The following SLC16A12 variants were observed in gnomAD, a reference collection of about 807,000 sequenced individuals.
SLC16A12 encodes the protein monocarboxylate transporter 12.
Under a neutral mutation model 42.4 loss-of-function variants are expected in SLC16A12, and 17 were observed. That is an observed-to-expected ratio of 0.40 (90% CI 0.27 to 0.60). SLC16A12 has a LOEUF of 0.60. Ranked by LOEUF, SLC16A12 falls within the 20% of genes least tolerant of loss-of-function variation. The pLI is 0.42. For synonymous variants in SLC16A12, 224 were observed against 229.4 expected (o/e 0.98, Z 0.21); for missense variants, 544 against 623.0 (o/e 0.87, Z 1.35).
intron 2 of SLC16A12, among the ~76,000 whole-genome samples, chr10:89,512,534 A>T (rs886147169): frequency 2.2e-4 from 34 of 152,322 alleles, no homozygotes; most frequent in South Asian, 2.1e-4. Context: ...CCAATGGTTA[A>T]TGATTATTGC....
At chr10:89,548,312 C>G (rs1345305076) in intron 2 of SLC16A12, among the ~76,000 whole-genome samples, 2 of 152,128 alleles carry the variant, frequency 1.3e-5, no homozygotes, top group Non-Finnish European at 2.9e-5. Context: ...AGCATGTGAA[C>G]TGTTCAATAT....
rs1239736551 is a variant in SLC16A12, at chr10:89,492,936, CTCAT to C, written c.-46-30316_-46-30313del. The stretch of plus-strand genomic sequence containing the variant: ...GAGGCCTGGCCAATCAGAGGCATGA[CTCAT>C]TCAGAGACTTATGAACCAGGCTAGA... On this transcript the variant is annotated intron_variant, in intron 2 of 7. Coordinates refer to ENST00000371790, the MANE Select transcript of SLC16A12 (RefSeq NM_213606.4). 2.0e-5 allele frequency among the ~76,000 whole-genome samples: 3 copies of C among 152,038 alleles called. No homozygotes were observed. The East Asian group carries it at 5.8e-4, about 29-fold the overall frequency.
At chr10:89,554,033 G>A (rs7476274) in intron 2 of SLC16A12, among the ~76,000 whole-genome samples, 70 of 67,586 alleles carry the variant, frequency 1.0e-3, no homozygotes, top group African/African-American at 3.6e-3. Context: ...AGAGAGAAAG[G>A]AAGAAAGAAA....
rs187850571 is a variant in SLC16A12 at position 89,512,255 on chromosome 10, T to C, written c.-47+22246A>G. On this transcript the variant is annotated intron_variant, in intron 2 of 7. Transcript: ENST00000371790. The stretch of plus-strand genomic sequence containing the variant: ...GGTGATTAATACACAACAATGCGAA[T>C]GGTGAACATACTTCTGACATAGTGA... Among the ~76,000 whole-genome samples, 3 of 152,314 alleles carry C rather than the reference T, an allele frequency of 2.0e-5. No individual in the cohort carries two copies. The East Asian group carries it at 5.8e-4, about 29-fold the overall frequency.
At chr10:89,507,759 C>T (rs191729621) in intron 2 of SLC16A12, among the ~76,000 whole-genome samples, 25 of 131,940 alleles carry the variant, frequency 1.9e-4, no homozygotes, top group African/African-American at 7.8e-4. Flanking sequence ...GGGCTAAATG[C>T]CCCCAATTAA....
At chr10:89,447,923 A>C (rs1051773289) in intron 3 of SLC16A12, among the ~76,000 whole-genome samples, 2 of 152,212 alleles carry the variant, frequency 1.3e-5, no homozygotes, top group African/African-American at 2.4e-5. Context: ...AAAAATGACA[A>C]AGGGGAAATC....
intron 2 of SLC16A12, among the ~76,000 whole-genome samples, chr10:89,547,684 A>C (rs1843749229): frequency 6.6e-6 from 1 of 152,162 alleles, no homozygotes. Flanking sequence ...GGAAGTCAAC[A>C]CTTGCTAGAA....
At chr10:89,523,825 A>T (rs1460652145) in intron 2 of SLC16A12, among the ~76,000 whole-genome samples, 1 of 152,248 alleles carries the variant, frequency 6.6e-6, no homozygotes, top group Non-Finnish European at 1.5e-5. Flanking sequence ...GCTATAAAGA[A>T]TACATAGTCC....
intron 4 of SLC16A12, among the ~76,000 whole-genome samples, chr10:89,442,450 C>T (rs1034753093): frequency 3.9e-5 from 6 of 152,092 alleles, no homozygotes; most frequent in Non-Finnish European, 8.8e-5. Flanking sequence ...GTCATTTCCT[C>T]CTATTTGGGG....
At chr10:89,541,323 T>C (rs892774135) in intron 2 of SLC16A12, among the ~76,000 whole-genome samples, 3 of 152,142 alleles carry the variant, frequency 2.0e-5, no homozygotes, top group African/African-American at 7.2e-5. Context: ...AGGATGGGTA[T>C]GGTGGCTCAT....
chr10:89,516,831 A>C lies in SLC16A12; in HGVS notation c.-47+17670T>G, dbSNP rs143865625. Reference sequence around the variant, plus strand: ...CTGATATTTCCAGTAAGGGCCAGGAATCCACTAAATCCATAGTAAGCAATT... The same window carrying C: ...CTGATATTTCCAGTAAGGGCCAGGACTCCACTAAATCCATAGTAAGCAATT... On this transcript the variant is annotated intron_variant, in intron 2 of 7. Coordinates refer to ENST00000371790, the MANE Select transcript of SLC16A12 (RefSeq NM_213606.4). Among the ~76,000 whole-genome samples, 117 of 152,344 alleles carry C rather than the reference A, an allele frequency of 7.7e-4. 3 individuals are homozygous for C. In the South Asian group the frequency reaches 0.018, roughly 24 times the overall value.
At chr10:89,476,170 T>A (rs1287706813) in intron 2 of SLC16A12, among the ~76,000 whole-genome samples, 1 of 152,208 alleles carries the variant, frequency 6.6e-6, no homozygotes, top group African/African-American at 2.4e-5. Context: ...GAGTATGGCA[T>A]CATTAAGTCA....
At chr10:89,512,389 C>A (rs958377640) in intron 2 of SLC16A12, among the ~76,000 whole-genome samples, 3 of 152,206 alleles carry the variant, frequency 2.0e-5, no homozygotes, top group African/African-American at 7.2e-5. Flanking sequence ...TGTCTGCAGG[C>A]TCCTGGGCAG....
intron 3 of SLC16A12, among the ~76,000 whole-genome samples, chr10:89,448,800 A>G (rs188397954): frequency 5.1e-4 from 78 of 152,326 alleles, no homozygotes; most frequent in African/African-American, 1.7e-3. Context: ...TCAATTAGGA[A>G]AAGAGGAAGT....
At chr10:89,533,401 C>CA (rs1843591029) in intron 2 of SLC16A12, among the ~76,000 whole-genome samples, 1 of 152,114 alleles carries the variant, frequency 6.6e-6, no homozygotes, top group African/African-American at 2.4e-5. Flanking sequence ...ACTAGGCATA[C>CA]AGTAGGCACT....
At chr10:89,538,338 G>T (rs1843693486), upstream of SLC16A12, among the ~76,000 whole-genome samples, 1 of 152,198 alleles carries the variant, frequency 6.6e-6, no homozygotes, top group South Asian at 2.1e-4. Context: ...ATAAAATATG[G>T]CTATTTACAT....
At chr10:89,450,971 A>G (rs1478355743) in intron 3 of SLC16A12, among the ~76,000 whole-genome samples, 1 of 152,186 alleles carries the variant, frequency 6.6e-6, no homozygotes, top group Non-Finnish European at 1.5e-5. Flanking sequence ...ATTGAAAAAT[A>G]GTTAATTACT....
At chr10:89,451,464 T>G (rs1238402934) in intron 3 of SLC16A12, among the ~76,000 whole-genome samples, 1 of 151,814 alleles carries the variant, frequency 6.6e-6, no homozygotes, top group Non-Finnish European at 1.5e-5. Context: ...CAGGCTGGAG[T>G]GCAATGATGC....
At chr10:89,498,051 T>G (rs1409910470) in intron 2 of SLC16A12, among the ~76,000 whole-genome samples, 2 of 152,160 alleles carry the variant, frequency 1.3e-5, no homozygotes. Context: ...GGCTCATACC[T>G]GTAATCCCAA....
Sources: gnomAD v4.1 joint callset for allele counts (sites outside exome capture counted in the v4.1 genomes callset) on GRCh38, gnomAD v4.1.1 for gene constraint, MANE v1.5 for transcripts, NCBI Gene and HGNC (gene_info 2026-07-23, HGNC 2026-07-21) for gene names.